The following BAZ2B variants were observed in gnomAD, a reference collection of about 807,000 sequenced individuals.
The protein encoded by BAZ2B is bromodomain adjacent to zinc finger domain protein 2B.
In BAZ2B, 91 loss-of-function variants were observed where a neutral mutation model predicts 246.0. That is an observed-to-expected ratio of 0.37 (90% confidence interval 0.31 to 0.44). BAZ2B has a LOEUF of 0.44. Ranked by LOEUF, BAZ2B falls within the 20% of genes least tolerant of loss-of-function variation. The pLI, the probability that BAZ2B is intolerant of heterozygous loss-of-function variation, is 1.00. For synonymous variants in BAZ2B, 855 were observed against 860.0 expected (o/e 0.99, Z 0.10); for missense variants, 2,332 against 2,533.7 (o/e 0.92, Z 1.71).
intron 14 of BAZ2B, among the ~76,000 whole-genome samples, chr2:159,407,232 G>C (rs1252020690): frequency 6.6e-6 from 1 of 151,942 alleles, no homozygotes; most frequent in Admixed American, 6.6e-5. Flanking sequence ...AGCACTTTGG[G>C]AGGCTGAGGT....
intron 1 of BAZ2B, among the ~76,000 whole-genome samples, chr2:159,605,272 T>A (rs2151786677): frequency 6.6e-6 from 1 of 152,100 alleles, no homozygotes; most frequent in African/African-American, 2.4e-5. Flanking sequence ...TAGCCTCAAG[T>A]GATCCTCCCA....
intron 4 of BAZ2B, among the ~76,000 whole-genome samples, chr2:159,449,082 T>C (rs1419081832): frequency 1.3e-5 from 2 of 152,198 alleles, no homozygotes; most frequent in East Asian, 3.8e-4. Flanking sequence ...TGAATTTTGT[T>C]TTTACTTCCA....
At chr2:159,332,766 C>T (rs1558980759) in intron 33 of BAZ2B, 80 bp from the exon 34 acceptor site, 1 of 1,454,398 alleles carries the variant, frequency 6.9e-7, no homozygotes, top group Non-Finnish European at 9.5e-7. Flanking sequence ...CACCATAATT[C>T]CTAATTTATA....
intron 1 of BAZ2B, among the ~76,000 whole-genome samples, chr2:159,590,505 T>G (rs1393107620): frequency 1.3e-5 from 2 of 151,794 alleles, no homozygotes; most frequent in African/African-American, 4.8e-5. Flanking sequence ...GTAGGAGAAT[T>G]GCTTGAACCC....
intron 1 of BAZ2B, among the ~76,000 whole-genome samples, chr2:159,588,695 G>C (rs1688621303): frequency 2.6e-5 from 4 of 152,140 alleles, no homozygotes; most frequent in Non-Finnish European, 5.9e-5. Context: ...ACAACACATT[G>C]AAAATGCTCC....
At chr2:159,331,880 A>G (rs1254328076) in intron 34 of BAZ2B, among the ~76,000 whole-genome samples, 1 of 152,198 alleles carries the variant, frequency 6.6e-6, no homozygotes, top group African/African-American at 2.4e-5. Flanking sequence ...AAGAGAGGAC[A>G]TGAAGTGGGA....
At chr2:159,613,646 G>A (rs564666907) in intron 1 of BAZ2B, among the ~76,000 whole-genome samples, 3 of 152,264 alleles carry the variant, frequency 2.0e-5, no homozygotes, top group South Asian at 4.1e-4. Context: ...CAATAGGTGT[G>A]AGACATCAAA....
At chr2:159,364,250 C>T (rs2059996845) in intron 27 of BAZ2B, among the ~76,000 whole-genome samples, 1 of 152,192 alleles carries the variant, frequency 6.6e-6, no homozygotes, top group Non-Finnish European at 1.5e-5. Context: ...CTCTGGTAAA[C>T]AAGTTCCTCA....
chr2:159,539,252 C>T (rs2086372273), intron 2 of BAZ2B, among the ~76,000 whole-genome samples: 1 of 152,162 alleles, frequency 6.6e-6, no homozygotes, highest in Non-Finnish European at 1.5e-5. Flanking sequence ...AAGAACAGTG[C>T]ATTTTCTACT....
At chr2:159,527,255 C>T (rs1286310368) in intron 2 of BAZ2B, among the ~76,000 whole-genome samples, 1 of 152,028 alleles carries the variant, frequency 6.6e-6, no homozygotes, top group Non-Finnish European at 1.5e-5. Flanking sequence ...ATCCGTATAA[C>T]CTTTTTGGCG....
the BAZ2B span, among the ~76,000 whole-genome samples, chr2:159,695,914 G>A: frequency 7.2e-5 from 11 of 151,882 alleles, no homozygotes; most frequent in Non-Finnish European, 1.5e-4. Context: ...ATGCCACCAT[G>A]CCTGGCTGAG....
In BAZ2B at chr2:159,433,027, T is replaced by C. The variant is rs201050166; in HGVS notation, c.1630A>G (p.Thr544Ala). The change falls in exon 9 of 37, where the codon ACC becomes GCC. Residue 544 changes from threonine (T) to alanine (A), a missense_variant. Physicochemically the swap from Thr to Ala is moderately conservative, Grantham distance 58 (BLOSUM62 0). Coordinates refer to ENST00000392783, the MANE Select transcript of BAZ2B (RefSeq NM_013450.4). ...ATTACAGGTGTCTGATTGCCAGGGG[T>C]TCTTCTCCCACTTGTACTCAGATTT... ...PVNLSTSGRR[T>A]PGNQTPVMPS... The C allele has an allele frequency of 1.2e-4, 192 of 1,614,172 alleles. No homozygotes were observed. Among genetic ancestry groups the C allele is most frequent in the Non-Finnish European group, 1.5e-4 (179 of 1,180,006 alleles).
At chr2:159,514,977 T>A (rs2083283534) in intron 2 of BAZ2B, among the ~76,000 whole-genome samples, 1 of 152,050 alleles carries the variant, frequency 6.6e-6, no homozygotes, top group African/African-American at 2.4e-5. Context: ...TTACCTAAAA[T>A]AACCCTGATA....
rs1183712142 is a variant in BAZ2B at position 159,435,239 on chromosome 2, T to G, written c.1294-1876A>C. 3 of 152,034 alleles carry G rather than the reference T, an allele frequency of 2.0e-5. No homozygotes were observed. The East Asian group carries it at 5.8e-4, about 29-fold the overall frequency. The allele number at this position is 152,034 out of a possible 1,614,324, so 9.4% of individuals were successfully genotyped here. The stretch of plus-strand genomic sequence containing the variant: ...TTGGACTCTGTCACCCAGGCTGGAG[T>G]GCAGTGGCACGATCTTGGCTCGCAG... On this transcript the variant is annotated intron_variant, in intron 8 of 36. Transcript: ENST00000392783.
chr2:159,472,532 G>A (rs1433832007), intron 3 of BAZ2B, among the ~76,000 whole-genome samples: 1 of 152,198 alleles, frequency 6.6e-6, no homozygotes, highest in Non-Finnish European at 1.5e-5. Context: ...TTGAATAGGA[G>A]TGGTGAGAGA....
chr2:159,601,613 C>T (rs868012647), intron 1 of BAZ2B, among the ~76,000 whole-genome samples: 3 of 151,678 alleles, frequency 2.0e-5, no homozygotes, highest in Non-Finnish European at 2.9e-5. Context: ...TCCAGCTACT[C>T]GGGAGGCTGA....
chr2:159,330,083 A>T (rs1030823409), intron 34 of BAZ2B, among the ~76,000 whole-genome samples: 1 of 152,364 alleles, frequency 6.6e-6, no homozygotes, highest in Admixed American at 6.5e-5. Flanking sequence ...AATCAAAATA[A>T]TCAAAAAATG....
At chr2:159,353,124 CA>C (rs567190980) in intron 27 of BAZ2B, among the ~76,000 whole-genome samples, 9 of 152,324 alleles carry the variant, frequency 5.9e-5, no homozygotes, top group Non-Finnish European at 1.2e-4. Flanking sequence ...ATCAGCTGCA[CA>C]ATTTTGTTAT....
chr2:159,578,965 A>G (rs1686040700), intron 1 of BAZ2B, among the ~76,000 whole-genome samples: 2 of 152,182 alleles, frequency 1.3e-5, no homozygotes, highest in Non-Finnish European at 2.9e-5. Flanking sequence ...GCCCATGAGA[A>G]AGCAGGAAAG....
Sources: allele counts gnomAD v4.1 joint callset (sites outside exome capture counted in the v4.1 genomes callset), GRCh38; gene constraint gnomAD v4.1.1; transcripts MANE v1.5; gene names NCBI Gene and HGNC (gene_info 2026-07-23, HGNC 2026-07-21).